The following ACOX3 variants were observed in gnomAD, a reference collection of about 807,000 sequenced individuals.
ACOX3 encodes peroxisomal acyl-coenzyme A oxidase 3.
In ACOX3, 73 loss-of-function variants were observed where a neutral mutation model predicts 81.5. The ratio of observed to expected loss-of-function variants is 0.90; its 90% CI spans 0.74 to 1.09. ACOX3 has a LOEUF of 1.09. ACOX3 is among the 50% of genes least tolerant of loss of function. The pLI, the probability that ACOX3 is intolerant of heterozygous loss-of-function variation, is 0.00. For synonymous variants in ACOX3, 387 were observed against 375.1 expected (o/e 1.03, Z -0.37); for missense variants, 947 against 928.0 (o/e 1.02, Z -0.27).
rs769508035 is a variant in ACOX3 at position 8,373,541 on chromosome 4, C to A, written c.1896+20G>T. ...TTGTGTAACATGGATGTAGAGAACG[C>A]GACAGCACCCACGGCTCACCTGGGA... On this transcript the variant is annotated intron_variant, in intron 16 of 17. Transcript: ENST00000356406. 1.9e-6 allele frequency: 3 copies of A among 1,612,938 alleles called. No individual in the cohort carries two copies. In the African/African-American group the frequency reaches 4.0e-5, roughly 22 times the overall value.
chr4:8,425,150 C>A (rs1181350645), intron 1 of ACOX3, among the ~76,000 whole-genome samples: 18 of 152,090 alleles, frequency 1.2e-4, no homozygotes, highest in Admixed American at 1.2e-3. Flanking sequence ...GTACAGAAAC[C>A]TAAAGAGGTG....
rs1232313789 is a variant in ACOX3, at chr4:8,416,728, C to T, written c.-14-193G>A. On this transcript the variant is annotated intron_variant, in intron 1 of 17. Transcript: ENST00000356406. The surrounding 1 kb of genome is among the most constrained non-coding windows in gnomAD (Gnocchi z 4.2). ...GAAGAAAAGGCGAGAAGAATTCCCTCGTCCACTCCTGAACACAGATGCCAA... is the reference window on the plus strand; with the variant it reads ...GAAGAAAAGGCGAGAAGAATTCCCTTGTCCACTCCTGAACACAGATGCCAA... Among the ~76,000 whole-genome samples, 2 of 152,262 alleles carry T rather than the reference C, an allele frequency of 1.3e-5. No individual in the cohort carries two copies. The highest frequency in any genetic ancestry group is 6.5e-5 in the Admixed American group (1 of 15,286).
intron 7 of ACOX3, among the ~76,000 whole-genome samples, chr4:8,403,433 AC>A (rs1328060351): frequency 6.6e-6 from 1 of 152,040 alleles, no homozygotes; most frequent in East Asian, 1.9e-4. Flanking sequence ...CGCCTGCATC[AC>A]CCCGGCTGGC....
At chr4:8,401,195 G>A (rs1441603122) in intron 7 of ACOX3, among the ~76,000 whole-genome samples, 1 of 152,100 alleles carries the variant, frequency 6.6e-6, no homozygotes, top group African/African-American at 2.4e-5. Flanking sequence ...CACAGAGGAA[G>A]CTTTGCTGGC....
At position 8,370,864 on chromosome 4, in the gene ACOX3, A is replaced by T. The variant is rs1414394028; in HGVS notation, c.1983+44T>A. 6.3e-7 allele frequency: 1 copy of T among 1,576,234 alleles called. No homozygotes were observed. Among genetic ancestry groups the T allele is most frequent in the Non-Finnish European group, 8.7e-7 (1 of 1,147,884 alleles). On this transcript the variant is annotated intron_variant, in intron 17 of 17. Transcript: ENST00000356406. The surrounding 1 kb of genome is among the most constrained non-coding windows in gnomAD (Gnocchi z 6.3). ...GCATCTCAGCTCCGCAGAAATGCCCATCAACCCTTGGGGCACTCCCGTGAG... is the reference window on the plus strand; with the variant it reads ...GCATCTCAGCTCCGCAGAAATGCCCTTCAACCCTTGGGGCACTCCCGTGAG...
rs1719476747 is a variant in ACOX3 at position 8,394,712 on chromosome 4, C to A, written c.1087G>T (p.Val363Phe). ...QWRLLPYLAA[V>F]YALDHFSKSL... is the part of the protein sequence containing the mutation. Reference sequence around the variant, plus strand: ...TTGGAGAAATGGTCTAAGGCGTAGACAGCTGCCAGATATGGAAGCAAGCGC... The same window carrying A: ...TTGGAGAAATGGTCTAAGGCGTAGAAAGCTGCCAGATATGGAAGCAAGCGC... Residue 363 changes from valine (V) to phenylalanine (F), a missense_variant, in exon 10 of 18, where the codon GTC (valine) becomes TTC (phenylalanine). Val to Phe is a conservative substitution (Grantham distance 50). Coordinates refer to ENST00000356406, the MANE Select transcript of ACOX3 (RefSeq NM_003501.3). This position sits in a 1 kb window ranked among gnomAD's most constrained non-coding sequence, Gnocchi z 5.9. The A allele has an allele frequency of 1.2e-6, 2 of 1,613,666 alleles. No individual in the cohort carries two copies. Among genetic ancestry groups the A allele is most frequent in the South Asian group, 2.2e-5 (2 of 91,076 alleles).
chr4:8,359,225 C>T, the ACOX3 span, among the ~76,000 whole-genome samples: 1 of 152,164 alleles, frequency 6.6e-6, no homozygotes, highest in Non-Finnish European at 1.5e-5. The surrounding 1 kb of genome is among the most constrained non-coding windows in gnomAD (Gnocchi z 6.0). Flanking sequence ...GACCCCTCAA[C>T]CCAAAAGAAG....
chr4:8,427,621 G>C (rs961334975), intron 1 of ACOX3, among the ~76,000 whole-genome samples: 17 of 152,310 alleles, frequency 1.1e-4, no homozygotes, highest in African/African-American at 3.6e-4. Context: ...GTGACCCACA[G>C]CTTCTAATAG....
At position 8,370,395 on chromosome 4, in the gene ACOX3, G is replaced by C. The variant is rs562773475; in HGVS notation, c.1983+513C>G. On this transcript the variant is annotated intron_variant, in intron 17 of 17. Coordinates refer to ENST00000356406, the MANE Select transcript of ACOX3 (RefSeq NM_003501.3). The surrounding 1 kb of genome is among the most constrained non-coding windows in gnomAD (Gnocchi z 6.3). ...ATGAAGGAATCATTATGGAACATGG[G>C]GGGCAGGAGGAGAGCTGAGGAGCCA... Among the ~76,000 whole-genome samples, 7 of 152,238 alleles carry C rather than the reference G, an allele frequency of 4.6e-5. No individual in the cohort carries two copies. The highest frequency in any genetic ancestry group is 2.1e-4 in the South Asian group (1 of 4,828).
At position 8,400,573 on chromosome 4, in the gene ACOX3, A is replaced by T. The variant is rs942711576; in HGVS notation, c.777-921T>A. 1.3e-5 allele frequency among the ~76,000 whole-genome samples: 2 copies of T among 152,228 alleles called. No individual in the cohort carries two copies. Among genetic ancestry groups the T allele is most frequent in the Non-Finnish European group, 2.9e-5 (2 of 68,048 alleles). On this transcript the variant is annotated intron_variant, in intron 7 of 17. Coordinates refer to ENST00000356406, the MANE Select transcript of ACOX3 (RefSeq NM_003501.3). This position sits in a 1 kb window ranked among gnomAD's most constrained non-coding sequence, Gnocchi z 4.4. ...TGTTATGGATCATGATGTATTAATA[A>T]CCAAAGATACCTGTTATGGTTGTCT... is the stretch of plus-strand genomic sequence containing the variant.
At position 8,384,406 on chromosome 4, in the gene ACOX3, C is replaced by A. The variant is rs1262045250; in HGVS notation, c.1538-2799G>T. Among the ~76,000 whole-genome samples the A allele has an allele frequency of 1.3e-5, 2 of 152,166 alleles. No homozygotes were observed. Among genetic ancestry groups the A allele is most frequent in the Non-Finnish European group, 2.9e-5 (2 of 68,040 alleles). Reference sequence around the variant, plus strand: ...TGGAAGTGAAAAAGTATCGCTGAAACAAACTAGGCAGGAAAACGGGCACTG... The same window carrying A: ...TGGAAGTGAAAAAGTATCGCTGAAAAAAACTAGGCAGGAAAACGGGCACTG... On this transcript the variant is annotated intron_variant, in intron 13 of 17. Coordinates refer to ENST00000356406, the MANE Select transcript of ACOX3 (RefSeq NM_003501.3). This position sits in a 1 kb window ranked among gnomAD's most constrained non-coding sequence, Gnocchi z 5.3.
At chr4:8,356,190 C>T in the ACOX3 span, 1 of 275,536 alleles carries the variant, frequency 3.6e-6, no homozygotes, top group African/African-American at 2.2e-5. Context: ...GGAAGATTCT[C>T]TTATTCATTT....
the ACOX3 span, among the ~76,000 whole-genome samples, chr4:8,360,983 C>A: frequency 6.6e-6 from 1 of 152,078 alleles, no homozygotes; most frequent in South Asian, 2.1e-4. Context: ...AAGTCACTAA[C>A]AATTAACATC....
At chr4:8,415,420 T>A (rs1228145933) in intron 3 of ACOX3, among the ~76,000 whole-genome samples, 1 of 151,914 alleles carries the variant, frequency 6.6e-6, no homozygotes, top group African/African-American at 2.4e-5. Context: ...TTTTTTTATT[T>A]TTTTTTTAAT....
chr4:8,439,633 T>A (rs1055682373), intron 1 of ACOX3, among the ~76,000 whole-genome samples: 2 of 152,238 alleles, frequency 1.3e-5, no homozygotes, highest in African/African-American at 4.8e-5. Context: ...GCTTAGGACA[T>A]GACAAAGTTG....
intron 14 of ACOX3, among the ~76,000 whole-genome samples, chr4:8,377,865 GC>G (rs1717165365): frequency 6.6e-6 from 1 of 152,326 alleles, no homozygotes; most frequent in African/African-American, 2.4e-5. Flanking sequence ...TGTCCCCACA[GC>G]TACGGTTAGG....
At position 8,392,359 on chromosome 4, in the gene ACOX3, G is replaced by A. The variant is rs777977310; in HGVS notation, c.1274C>T (p.Ala425Val). ...GGCCAGATAGCCGTGTCCTCCACAC[G>A]CCTCCCGGCATTCCTGAATTCCTTG... is the stretch of plus-strand genomic sequence containing the variant. Reference protein sequence around the residue: ...TQQGIQECREACGGHGYLAMN... With the variant: ...TQQGIQECREVCGGHGYLAMN... The change falls in exon 11 of 18, where the codon GCG (alanine) becomes GTG (valine). Residue 425 changes from alanine (A) to valine (V), a missense_variant. By Grantham distance (64) the Ala-to-Val change is moderately conservative. Coordinates refer to ENST00000356406, the MANE Select transcript of ACOX3 (RefSeq NM_003501.3). The A allele has an allele frequency of 5.0e-6, 8 of 1,601,512 alleles. No homozygotes were observed. Among genetic ancestry groups the A allele is most frequent in the African/African-American group, 1.3e-5 (1 of 74,350 alleles).
Position 8,405,902 on chromosome 4 carries a change from C to G in ACOX3, c.776+53G>C. 6.4e-7 allele frequency: 1 copy of G among 1,550,516 alleles called. No individual in the cohort carries two copies. On this transcript the variant is annotated intron_variant, in intron 7 of 17. Transcript: ENST00000356406. The surrounding 1 kb of genome is among the most constrained non-coding windows in gnomAD (Gnocchi z 7.1). ...GTGAGATCTCAGACATGAGCGACAA[C>G]GCAGCCTGGGCCTTGGCAGGAAGCT...
At chr4:8,375,831 TG>T (rs1022151292) in intron 14 of ACOX3, among the ~76,000 whole-genome samples, 4 of 152,262 alleles carry the variant, frequency 2.6e-5, no homozygotes, top group Non-Finnish European at 5.9e-5. Context: ...TCCATGTTGC[TG>T]CAAAAGACAT....
Sources: gnomAD v4.1 joint callset for allele counts (sites outside exome capture counted in the v4.1 genomes callset) on GRCh38, gnomAD v4.1.1 for gene constraint, Gnocchi (gnomAD v3.1) non-coding constraint, MANE v1.5 for transcripts, NCBI Gene and HGNC (gene_info 2026-07-23, HGNC 2026-07-21) for gene names.